Variants in DOCK8 observed in about 807,000 individuals in gnomAD.
DOCK8 encodes dedicator of cytokinesis 8, also known as dedicator of cytokinesis protein 8.
A neutral mutation model predicts 245.6 loss-of-function variants in DOCK8; 141 were observed. That is an observed-to-expected ratio of 0.57 (90% CI 0.50 to 0.66). The LOEUF (loss-of-function observed/expected upper bound fraction) is 0.66. DOCK8 is among the 30% of genes least tolerant of loss of function. The probability of loss-of-function intolerance (pLI) is 0.00; values close to 1 mark genes in which losing one functional copy is unlikely to be tolerated. For missense variants in DOCK8, 2,965 were observed against 2,603.4 expected (o/e 1.14, Z -3.02); for synonymous variants, 1,168 against 970.2 (o/e 1.20, Z -3.79).
At chr9:314,921 CA>C (rs1414678594) in intron 6 of DOCK8, among the ~76,000 whole-genome samples, 1 of 152,128 alleles carries the variant, frequency 6.6e-6, no homozygotes, top group Non-Finnish European at 1.5e-5. Flanking sequence ...ACTTAACCAC[CA>C]AGCTTCTATA....
chr9:373,851 A>C (rs139890276), intron 18 of DOCK8, among the ~76,000 whole-genome samples: 166 of 152,302 alleles, frequency 1.1e-3, no homozygotes, highest in African/African-American at 3.8e-3. Flanking sequence ...TTGGACATCA[A>C]CACCTTTCAG....
chr9:428,736 G>A (rs920463700), intron 35 of DOCK8, among the ~76,000 whole-genome samples: 2 of 152,150 alleles, frequency 1.3e-5, no homozygotes, highest in African/African-American at 2.4e-5. Flanking sequence ...GTTTAAAATG[G>A]CCATTCGCTG....
intron 5 of DOCK8, among the ~76,000 whole-genome samples, chr9:310,096 T>C (rs991305982): frequency 2.6e-5 from 4 of 151,866 alleles, no homozygotes; most frequent in Non-Finnish European, 5.9e-5. Context: ...GGTGAAACCC[T>C]GTCTCTACTA....
chr9:401,239 A>G lies in DOCK8; in HGVS notation c.3234+1980A>G, dbSNP rs149603035. Reference sequence around the variant, plus strand: ...TGAGAGATTTGAGGGCTGATCAACGAAAAGGATAGGACCATAAAAAGCAGT... The same window carrying G: ...TGAGAGATTTGAGGGCTGATCAACGGAAAGGATAGGACCATAAAAAGCAGT... On this transcript the variant is annotated intron_variant, in intron 26 of 47. Transcript: ENST00000432829. Among the ~76,000 whole-genome samples the G allele has an allele frequency of 1.3e-3, 198 of 152,354 alleles. 1 individual carries two copies. The highest frequency in any genetic ancestry group is 4.7e-3 in the African/African-American group (194 of 41,576).
In DOCK8 at chr9:441,262, T is replaced by C; in HGVS notation, c.5224-24T>C. 5 of 1,614,082 alleles carry C rather than the reference T, an allele frequency of 3.1e-6. 1 individual carries two copies. The African/African-American group carries it at 6.7e-5, about 22-fold the overall frequency. On this transcript the variant is annotated intron_variant, in intron 40 of 47. Transcript: ENST00000432829. The stretch of plus-strand genomic sequence containing the variant: ...AGTTTCCAGTGGATTAAATTCTCTC[T>C]GATGCTCTTCTCCTCTTTCCAAGGG...
chr9:456,138 A>G (rs1422554665), intron 46 of DOCK8: 2 of 152,238 alleles, frequency 1.3e-5, no homozygotes, highest in African/African-American at 2.4e-5. Flanking sequence ...AACTGTGTAA[A>G]TTACTAAAAC....
At chr9:264,642 T>C (rs916462011) in intron 1 of DOCK8, among the ~76,000 whole-genome samples, 1 of 152,238 alleles carries the variant, frequency 6.6e-6, no homozygotes, top group Non-Finnish European at 1.5e-5. Context: ...GATACAGTTA[T>C]GGATAGAGAT....
intron 5 of DOCK8, among the ~76,000 whole-genome samples, chr9:307,970 T>C (rs1354103189): frequency 1.3e-5 from 2 of 152,226 alleles, no homozygotes; most frequent in Non-Finnish European, 2.9e-5. Context: ...AGACTAATAC[T>C]GCATGATCTC....
At chr9:402,215 C>A (rs753182045) in intron 26 of DOCK8, among the ~76,000 whole-genome samples, 1 of 152,162 alleles carries the variant, frequency 6.6e-6, no homozygotes, top group African/African-American at 2.4e-5. Flanking sequence ...TCTTTCCTTT[C>A]TTTTCTCTTG....
chr9:310,229 T>TG (rs1221320000), intron 5 of DOCK8, among the ~76,000 whole-genome samples: 3 of 151,268 alleles, frequency 2.0e-5, no homozygotes, highest in African/African-American at 7.3e-5. Flanking sequence ...ATTGCGCCAT[T>TG]GCACTCCAGC....
chr9:420,493 C>T lies in DOCK8; in HGVS notation c.3933C>T (p.Leu1311=), dbSNP rs1336869952. ...LWIMKNADQS[L]IRKWIADLPS... is the part of the protein sequence containing the mutation. ...TCATGAAAAATGCTGATCAGAGCCT[C>T]ATTAGGAAGTGGATTGCTGACCTGC... The change falls in exon 31 of 48, where the codon CTC becomes CTT. Residue 1311 remains leucine (L), a synonymous_variant. Transcript: ENST00000432829. The T allele has an allele frequency of 3.7e-6, 6 of 1,614,008 alleles. No individual in the cohort carries two copies.
intron 1 of DOCK8, among the ~76,000 whole-genome samples, chr9:261,822 C>A (rs2047923950): frequency 6.6e-6 from 1 of 151,988 alleles, no homozygotes; most frequent in African/African-American, 2.4e-5. Flanking sequence ...TGGTGGATTG[C>A]CCTTTGATTA....
intron 1 of DOCK8, among the ~76,000 whole-genome samples, chr9:247,049 A>G (rs960033823): frequency 4.6e-5 from 7 of 152,234 alleles, no homozygotes; most frequent in African/African-American, 1.7e-4. Context: ...AATATTGAGG[A>G]TCACATGCGA....
At chr9:324,537 C>T (rs1021893848) in intron 7 of DOCK8, among the ~76,000 whole-genome samples, 4 of 152,084 alleles carry the variant, frequency 2.6e-5, no homozygotes, top group Admixed American at 2.0e-4. Context: ...TGGGATTCAC[C>T]GTTTCGAGGG....
intron 7 of DOCK8, among the ~76,000 whole-genome samples, 168 bp from the exon 8 acceptor site, chr9:325,503 C>T (rs941525158): frequency 6.6e-6 from 1 of 152,168 alleles, no homozygotes; most frequent in Non-Finnish European, 1.5e-5. Flanking sequence ...CACAAACCTC[C>T]TATATTTCTC....
chr9:397,486 C>T (rs1007688798), intron 25 of DOCK8, among the ~76,000 whole-genome samples: 5 of 151,852 alleles, frequency 3.3e-5, no homozygotes, highest in African/African-American at 7.3e-5. Flanking sequence ...GTCAGGCATT[C>T]GAGACCAGCC....
chr9:359,826 TACAG>T (rs1421393734), intron 14 of DOCK8, among the ~76,000 whole-genome samples: 1 of 147,872 alleles, frequency 6.8e-6, no homozygotes, highest in East Asian at 1.9e-4. Context: ...AAAAAAAAAT[TACAG>T]AGGGAGAATT....
intron 2 of DOCK8, among the ~76,000 whole-genome samples, chr9:273,437 C>T (rs756321176): frequency 6.6e-6 from 1 of 151,952 alleles, no homozygotes; most frequent in Non-Finnish European, 1.5e-5. Context: ...ATTGAAAAAT[C>T]AAAAAAATTT....
intron 3 of DOCK8, among the ~76,000 whole-genome samples, chr9:289,218 G>C (rs975613104): frequency 1.6e-4 from 25 of 152,184 alleles, no homozygotes; most frequent in African/African-American, 6.0e-4. Context: ...AATACAGCTA[G>C]TTCTACCTGT....
Sources: allele counts gnomAD v4.1 joint callset (sites outside exome capture counted in the v4.1 genomes callset), GRCh38; gene constraint gnomAD v4.1.1; transcripts MANE v1.5; gene names NCBI Gene and HGNC (gene_info 2026-07-23, HGNC 2026-07-21).